Variants in KATNIP observed in about 807,000 individuals in gnomAD.
KATNIP encodes katanin-interacting protein.
A neutral mutation model predicts 174.0 loss-of-function variants in KATNIP; 126 were observed. That is an observed-to-expected ratio of 0.72 (90% CI 0.63 to 0.84). The LOEUF (loss-of-function observed/expected upper bound fraction) is 0.84. Ranked by LOEUF, KATNIP falls within the 40% of genes least tolerant of loss-of-function variation. The probability of loss-of-function intolerance (pLI) is 0.00; values close to 1 mark genes in which losing one functional copy is unlikely to be tolerated. For missense variants in KATNIP, 1,958 were observed against 2,109.7 expected (o/e 0.93, Z 1.41); for synonymous variants, 810 against 835.7 (o/e 0.97, Z 0.53).
intron 1 of KATNIP, among the ~76,000 whole-genome samples, chr16:27,551,938 C>T (rs1294102229): frequency 2.6e-5 from 4 of 152,002 alleles, no homozygotes; most frequent in Non-Finnish European, 5.9e-5. Context: ...TGCAGTGCCT[C>T]ACACCTGTGA....
chr16:27,778,402 G>T (rs1310773898), intron 27 of KATNIP, among the ~76,000 whole-genome samples, 172 bp from the exon 28 acceptor site: 1 of 152,228 alleles, frequency 6.6e-6, no homozygotes, highest in Non-Finnish European at 1.5e-5. Flanking sequence ...TTGTGGCAGA[G>T]CCTGCTCCAG....
At chr16:27,576,311 A>T (rs1213313023) in intron 2 of KATNIP, among the ~76,000 whole-genome samples, 1 of 152,158 alleles carries the variant, frequency 6.6e-6, no homozygotes, top group Non-Finnish European at 1.5e-5. Flanking sequence ...AGTGAGAAAC[A>T]GAGAGTGAAG....
intron 6 of KATNIP, among the ~76,000 whole-genome samples, chr16:27,665,610 T>A (rs899946336): frequency 2.0e-5 from 3 of 151,218 alleles, no homozygotes; most frequent in African/African-American, 7.3e-5. Flanking sequence ...TTTATTATTT[T>A]TTTTTTTTTT....
At chr16:27,702,467 G>A (rs1217836280) in intron 11 of KATNIP, among the ~76,000 whole-genome samples, 1 of 152,174 alleles carries the variant, frequency 6.6e-6, no homozygotes, top group African/African-American at 2.4e-5. Flanking sequence ...AGAAAGATGC[G>A]TCAGGCTGAG....
chr16:27,654,933 C>G (rs2077220861), intron 6 of KATNIP, among the ~76,000 whole-genome samples: 1 of 151,572 alleles, frequency 6.6e-6, no homozygotes, highest in Admixed American at 6.6e-5. Flanking sequence ...AGTTAGAGAC[C>G]AGCCTGGGAA....
intron 20 of KATNIP, among the ~76,000 whole-genome samples, chr16:27,766,943 C>T (rs552455169): frequency 2.6e-5 from 4 of 152,160 alleles, no homozygotes; most frequent in African/African-American, 9.7e-5. Flanking sequence ...GCTGGAGTCT[C>T]CACCTTGGCC....
chr16:27,589,499 G>A (rs1351532547), intron 2 of KATNIP, among the ~76,000 whole-genome samples: 1 of 152,204 alleles, frequency 6.6e-6, no homozygotes, highest in African/African-American at 2.4e-5. Flanking sequence ...CTTACCCTTG[G>A]CCTAAATAAT....
chr16:27,720,780 G>A (rs963953552), intron 13 of KATNIP, among the ~76,000 whole-genome samples: 3 of 152,174 alleles, frequency 2.0e-5, no homozygotes, highest in African/African-American at 7.2e-5. Context: ...GCACTGGGTC[G>A]AGCCAGCGTG....
At chr16:27,778,176 G>A (rs1230115455) in intron 27 of KATNIP, among the ~76,000 whole-genome samples, 1 of 152,252 alleles carries the variant, frequency 6.6e-6, no homozygotes, top group Non-Finnish European at 1.5e-5. Context: ...GCAGGCACCT[G>A]TAACACAGTG....
intron 14 of KATNIP, among the ~76,000 whole-genome samples, chr16:27,724,613 G>A (rs1319468084): frequency 6.6e-6 from 1 of 152,166 alleles, no homozygotes; most frequent in Non-Finnish European, 1.5e-5. Context: ...GGAGTGTGGA[G>A]GACTGCGGTT....
rs1195976509 is a variant in KATNIP at position 27,599,732 on chromosome 16, C to G, written c.64-18693C>G. The stretch of plus-strand genomic sequence containing the variant: ...CCCAACCCCTTTCTTACTCCAACTT[C>G]CGCTGTCCGCTCCAGGAGCACCATG... On this transcript the variant is annotated intron_variant, in intron 2 of 27. Coordinates refer to ENST00000261588, the MANE Select transcript of KATNIP (RefSeq NM_015202.5). 4.6e-5 allele frequency among the ~76,000 whole-genome samples: 7 copies of G among 152,214 alleles called. No individual in the cohort carries two copies. In the East Asian group the frequency reaches 1.2e-3, roughly 25 times the overall value.
intron 3 of KATNIP, among the ~76,000 whole-genome samples, chr16:27,625,160 T>C (rs982328313): frequency 1.3e-5 from 2 of 152,260 alleles, no homozygotes; most frequent in African/African-American, 4.8e-5. Flanking sequence ...TGGATATTAC[T>C]GATGCACTCC....
chr16:27,773,255 G>A lies in KATNIP; in HGVS notation c.4309+46G>A, dbSNP rs755296195. 4.5e-6 allele frequency: 6 copies of A among 1,348,118 alleles called. No individual in the cohort carries two copies. In the African/African-American group the frequency reaches 7.2e-5, roughly 16 times the overall value. The allele number at this position is 1,348,118 out of a possible 1,614,324, so 83.5% of individuals were successfully genotyped here. A position where few individuals can be genotyped will look rare whatever the true frequency, so the allele number is the denominator to read the frequency against. ...GTGGGCTCCACCCAGACTGAAGGGAGCATGGGAGGGTCGGGAACGGGGCAG... is the reference window on the plus strand; with the variant it reads ...GTGGGCTCCACCCAGACTGAAGGGAACATGGGAGGGTCGGGAACGGGGCAG... On this transcript the variant is annotated intron_variant, in intron 23 of 27. Coordinates refer to ENST00000261588, the MANE Select transcript of KATNIP (RefSeq NM_015202.5).
chr16:27,606,968 T>C (rs2075728559), intron 2 of KATNIP, among the ~76,000 whole-genome samples: 1 of 152,180 alleles, frequency 6.6e-6, no homozygotes, highest in Non-Finnish European at 1.5e-5. Context: ...AAATGACGTC[T>C]TCCTCCCTTC....
At chr16:27,610,729 G>A (rs2075867098) in intron 2 of KATNIP, among the ~76,000 whole-genome samples, 1 of 152,126 alleles carries the variant, frequency 6.6e-6, no homozygotes, top group Non-Finnish European at 1.5e-5. Flanking sequence ...AATAAATCTT[G>A]ATGCCCCCAA....
intron 13 of KATNIP, among the ~76,000 whole-genome samples, chr16:27,717,909 C>T (rs1467608102): frequency 6.6e-6 from 1 of 152,190 alleles, no homozygotes; most frequent in Admixed American, 6.5e-5. Flanking sequence ...TCCACCCTGG[C>T]TCCCAGATTC....
At chr16:27,551,376 C>T (rs912262773) in intron 1 of KATNIP, among the ~76,000 whole-genome samples, 1 of 152,108 alleles carries the variant, frequency 6.6e-6, no homozygotes, top group African/African-American at 2.4e-5. Context: ...TCCCTTTGTA[C>T]TTTAGAGGTA....
chr16:27,701,600 C>T lies in KATNIP; in HGVS notation c.1191C>T (p.Ile397=). The T allele has an allele frequency of 1.3e-6, 2 of 1,593,986 alleles. No homozygotes were observed. Among genetic ancestry groups the T allele is most frequent in the Non-Finnish European group, 1.7e-6 (2 of 1,170,376 alleles). The change falls in exon 11 of 28, where the codon ATC becomes ATT. Residue 397 remains isoleucine (I), a synonymous_variant. Coordinates refer to ENST00000261588, the MANE Select transcript of KATNIP (RefSeq NM_015202.5). ...CTTTCCATCCTCAGCTGCTTCCCAT[C>T]ACCACGGCGACTACTACTCAGGAGC... ...EKEETLELLP[I]TTATTTQEPA...
intron 13 of KATNIP, among the ~76,000 whole-genome samples, chr16:27,713,828 A>ATATC (rs1466292827): frequency 3.0e-4 from 19 of 62,912 alleles, no homozygotes; most frequent in African/African-American, 1.6e-3. Context: ...ATATATATAT[A>ATATC]TATATATATA....
Sources: allele counts gnomAD v4.1 joint callset (sites outside exome capture counted in the v4.1 genomes callset), GRCh38; gene constraint gnomAD v4.1.1; transcripts MANE v1.5; gene names NCBI Gene and HGNC (gene_info 2026-07-23, HGNC 2026-07-21).